Variants in STAT3 observed in about 807,000 individuals in gnomAD.
STAT3 encodes DNA-binding protein APRF.
A neutral mutation model predicts 114.3 loss-of-function variants in STAT3; 7 were observed. The observed-to-expected ratio is 0.06, with a 90% confidence interval of 0.03 to 0.11. STAT3 has a LOEUF of 0.11. STAT3 is among the 10% of genes least tolerant of loss of function. The pLI is 1.00. For synonymous variants in STAT3, 331 were observed against 354.5 expected (o/e 0.93, Z 0.74); for missense variants, 364 against 960.9 (o/e 0.38, Z 8.21).
chr17:42,335,150 G>A (rs1335909795), intron 8 of STAT3, among the ~76,000 whole-genome samples: 1 of 151,270 alleles, frequency 6.6e-6, no homozygotes, highest in African/African-American at 2.4e-5. Flanking sequence ...TTTGAGACAG[G>A]GTCCCACTCT....
intron 1 of STAT3, among the ~76,000 whole-genome samples, chr17:42,382,824 T>A (rs1319779032): frequency 6.6e-6 from 1 of 151,626 alleles, no homozygotes; most frequent in East Asian, 1.9e-4. Flanking sequence ...TTTTTTGTAT[T>A]TTTAGTAGAG....
intron 23 of STAT3, 165 bp downstream of exon 23, chr17:42,316,624 A>G: frequency 1.3e-6 from 2 of 1,523,142 alleles, no homozygotes; most frequent in Non-Finnish European, 8.8e-7. Flanking sequence ...CTGCTAGAAG[A>G]TTTATACTCA....
At chr17:42,363,391 T>C (rs998840339) in intron 1 of STAT3, among the ~76,000 whole-genome samples, 2 of 152,126 alleles carry the variant, frequency 1.3e-5, no homozygotes, top group African/African-American at 4.8e-5. Flanking sequence ...TATCTCAGGC[T>C]CTGTAACTAC....
chr17:42,384,996 A>AACG (rs2085017786), intron 1 of STAT3, among the ~76,000 whole-genome samples: 2 of 152,156 alleles, frequency 1.3e-5, no homozygotes, highest in Non-Finnish European at 2.9e-5. Flanking sequence ...TGTCCAATAG[A>AACG]ACGTTCTATG....
intron 23 of STAT3, 86 bp from the exon 24 acceptor site, chr17:42,315,886 C>T: frequency 6.2e-7 from 1 of 1,609,478 alleles, no homozygotes; most frequent in Non-Finnish European, 8.5e-7. Flanking sequence ...GAGGACAGGG[C>T]CCAGGCTACC....
intron 2 of STAT3, 44 bp downstream of exon 2, chr17:42,348,345 A>G (rs1240804171): frequency 2.5e-6 from 4 of 1,613,438 alleles, no homozygotes; most frequent in African/African-American, 1.3e-5. Context: ...TCTTGACTCA[A>G]ACTGAAACCT....
chr17:42,321,474 A>T (rs1477788227), intron 21 of STAT3, among the ~76,000 whole-genome samples: 1 of 152,088 alleles, frequency 6.6e-6, no homozygotes, highest in Non-Finnish European at 1.5e-5. Context: ...ACACATTAAA[A>T]TATACCTTAT....
At chr17:42,375,853 A>G (rs1308560355) in intron 1 of STAT3, among the ~76,000 whole-genome samples, 15 of 150,812 alleles carry the variant, frequency 9.9e-5, no homozygotes, top group South Asian at 6.3e-4. Flanking sequence ...AAAAAGAAAG[A>G]AAGAAAAGAA....
In STAT3 at chr17:42,346,458, A is replaced by T. The variant is rs2082704767; in HGVS notation, c.273+111T>A. 8 of 1,493,536 alleles carry T rather than the reference A, an allele frequency of 5.4e-6. No individual in the cohort carries two copies. The Admixed American group carries it at 8.6e-5, about 16-fold the overall frequency. 92.5% of individuals were successfully genotyped at this position (1,493,536 alleles called of 1,614,324 possible). On this transcript the variant is annotated intron_variant, in intron 3 of 23. Transcript: ENST00000264657. ...TACTTCTCCTGTGATTGAAAATACA[A>T]GATAGATTCTCGTTACTTAGCCAAA...
chr17:42,349,379 A>C (rs1191881452), intron 1 of STAT3, among the ~76,000 whole-genome samples: 1 of 152,204 alleles, frequency 6.6e-6, no homozygotes, highest in Non-Finnish European at 1.5e-5. Flanking sequence ...TGCCCAACAA[A>C]TGTCGGTTCC....
intron 1 of STAT3, among the ~76,000 whole-genome samples, chr17:42,351,143 A>AG (rs1366559913): frequency 3.0e-4 from 45 of 151,496 alleles, no homozygotes; most frequent in Non-Finnish European, 7.4e-5. Context: ...AAAAAAAAAA[A>AG]AAAAGAAAAG....
chr17:42,385,540 G>A (rs2085056059), intron 1 of STAT3, among the ~76,000 whole-genome samples: 1 of 150,484 alleles, frequency 6.6e-6, no homozygotes, highest in African/African-American at 2.4e-5. Flanking sequence ...TATATTTGTT[G>A]ATTTGCACAT....
chr17:42,374,566 T>C lies in STAT3; in HGVS notation c.-24+13713A>G, dbSNP rs546761654. On this transcript the variant is annotated intron_variant, in intron 1 of 23. Transcript: ENST00000264657. ...CAGAGGTTGCAGTGAGCTGAGATCG[T>C]GCCATTGCACTCCAGCCTGGGCAAT... is the stretch of plus-strand genomic sequence containing the variant. 6.4e-5 allele frequency among the ~76,000 whole-genome samples: 9 copies of C among 140,988 alleles called. No individual in the cohort carries two copies. The East Asian group carries it at 1.7e-3, about 26-fold the overall frequency. The allele number at this position is 140,988 out of a possible 152,430, so 92.5% of individuals were successfully genotyped here. A position where few individuals can be genotyped will look rare whatever the true frequency, so the allele number is the denominator to read the frequency against.
intron 1 of STAT3, among the ~76,000 whole-genome samples, chr17:42,365,547 C>T (rs1211080192): frequency 6.6e-6 from 1 of 151,764 alleles, no homozygotes; most frequent in Non-Finnish European, 1.5e-5. Flanking sequence ...TTTTTACTAA[C>T]ATAGTGATTG....
intron 4 of STAT3, among the ~76,000 whole-genome samples, chr17:42,342,187 A>C (rs2082469645): frequency 6.6e-6 from 1 of 152,132 alleles, no homozygotes; most frequent in Non-Finnish European, 1.5e-5. Context: ...TTTCTGCTTA[A>C]AATTCCTCAC....
intron 10 of STAT3, among the ~76,000 whole-genome samples, chr17:42,332,537 CAAAAAAAAAAA>C (rs759010924): frequency 2.2e-4 from 9 of 40,784 alleles, no homozygotes; most frequent in Admixed American, 2.1e-3. Context: ...GACTCCATCT[CAAAAAAAAAAA>C]AAAAAAAAAA....
intron 1 of STAT3, among the ~76,000 whole-genome samples, chr17:42,359,862 C>T (rs1164567561): frequency 6.6e-6 from 1 of 151,776 alleles, no homozygotes; most frequent in East Asian, 1.9e-4. Context: ...AGATCGAGAC[C>T]ATCCTGGCTA....
chr17:42,321,299 T>A (rs2081472410), intron 21 of STAT3, among the ~76,000 whole-genome samples: 1 of 151,672 alleles, frequency 6.6e-6, no homozygotes, highest in African/African-American at 2.4e-5. Context: ...TAAAAAAAAT[T>A]ATTTTTGTAT....
intron 1 of STAT3, among the ~76,000 whole-genome samples, chr17:42,380,788 C>A (rs2084747496): frequency 6.6e-6 from 1 of 152,174 alleles, no homozygotes; most frequent in Non-Finnish European, 1.5e-5. Flanking sequence ...TAGCACACAC[C>A]TGTAGCCCCA....
Sources: allele counts gnomAD v4.1 joint callset (sites outside exome capture counted in the v4.1 genomes callset), GRCh38; gene constraint gnomAD v4.1.1; transcripts MANE v1.5; gene names NCBI Gene and HGNC (gene_info 2026-07-23, HGNC 2026-07-21).